Variants in HCRTR1 observed in about 807,000 individuals in gnomAD.
The protein encoded by HCRTR1 is orexin/Hypocretin receptor type 1.
In HCRTR1, 28 loss-of-function variants were observed where a neutral mutation model predicts 40.6. The observed-to-expected ratio is 0.69, with a 90% confidence interval of 0.51 to 0.95. The LOEUF is 0.95. Ranked by LOEUF, HCRTR1 falls within the 40% of genes least tolerant of loss-of-function variation. The pLI is 0.00. For missense variants in HCRTR1, 482 were observed against 564.7 expected, an observed-to-expected ratio of 0.85 and a Z score of 1.48; for synonymous variants, 209 against 230.0, an observed-to-expected ratio of 0.91 and a Z score of 0.83.
At chr1:31,622,754 C>T (rs879675223) in intron 6 of HCRTR1, among the ~76,000 whole-genome samples, 3 of 152,212 alleles carry the variant, frequency 2.0e-5, no homozygotes, top group Non-Finnish European at 4.4e-5. Context: ...GGCTTATGGG[C>T]ACTGGCCCAG....
chr1:31,619,357 T>C lies in HCRTR1; in HGVS notation c.165T>C (p.Ala55=), dbSNP rs781631903. ...GGGTCCTCATCGCAGCCTATGTGGC[T>C]GTGTTCGTCGTGGCCCTGGTGGGCA... ...YEWVLIAAYV[A]VFVVALVGNT... is the part of the protein sequence containing the mutation. Residue 55 remains alanine (A), a synonymous_variant, in exon 3 of 9, where the codon GCT becomes GCC. Coordinates refer to ENST00000403528, the MANE Select transcript of HCRTR1 (RefSeq NM_001525.3). 1.9e-6 allele frequency: 3 copies of C among 1,614,216 alleles called. No homozygotes were observed. The Admixed American group carries it at 5.0e-5, about 27-fold the overall frequency.
intron 5 of HCRTR1, 44 bp from the exon 6 acceptor site, chr1:31,621,433 G>T: frequency 7.0e-7 from 1 of 1,421,328 alleles, no homozygotes; most frequent in Non-Finnish European, 1.0e-6. Context: ...GGCAGGGTGG[G>T]GCTCACGGAT....
chr1:31,626,749 A>T lies in HCRTR1; in HGVS notation c.1088-41A>T, dbSNP rs1248098907. On this transcript the variant is annotated intron_variant, in intron 8 of 8. Coordinates refer to ENST00000403528, the MANE Select transcript of HCRTR1 (RefSeq NM_001525.3). The surrounding 1 kb of genome is among the most constrained non-coding windows in gnomAD (Gnocchi z 4.6). ...TGGGCTCAAGGCCCCTTCCTGCTGC[A>T]TCTGTCTCCTTATGGCTGTGTCTTT... 1 of 1,384,050 alleles carries T rather than the reference A, an allele frequency of 7.2e-7. No homozygotes were observed. Among genetic ancestry groups the T allele is most frequent in the South Asian group, 1.2e-5 (1 of 83,280 alleles). 85.7% of individuals were successfully genotyped at this position (1,384,050 alleles called of 1,614,324 possible).
At chr1:31,623,296 CAAAA>C (rs11286118) in intron 6 of HCRTR1, among the ~76,000 whole-genome samples, 4 of 133,284 alleles carry the variant, frequency 3.0e-5, no homozygotes, top group African/African-American at 2.8e-5. Context: ...AATGCCATCT[CAAAA>C]AAAAAAAAAA....
At position 31,626,754 on chromosome 1, in the gene HCRTR1, T is replaced by C. The variant is rs762148291; in HGVS notation, c.1088-36T>C. The C allele has an allele frequency of 1.9e-6, 3 of 1,555,732 alleles. No homozygotes were observed. The highest frequency in any genetic ancestry group is 2.3e-5 in the South Asian group (2 of 86,310). On this transcript the variant is annotated intron_variant, in intron 8 of 8. Transcript: ENST00000403528. The surrounding 1 kb of genome is among the most constrained non-coding windows in gnomAD (Gnocchi z 4.6). ...TCAAGGCCCCTTCCTGCTGCATCTG[T>C]CTCCTTATGGCTGTGTCTTTTGTCT... is the stretch of plus-strand genomic sequence containing the variant.
chr1:31,624,215 T>C (rs1020904182), intron 7 of HCRTR1, among the ~76,000 whole-genome samples: 3 of 151,860 alleles, frequency 2.0e-5, no homozygotes, highest in African/African-American at 7.3e-5. Flanking sequence ...TCCCAACACG[T>C]TGGGAGGCCA....
downstream of HCRTR1, chr1:31,630,309 T>C (rs1476477803): frequency 2.4e-6 from 1 of 410,120 alleles, no homozygotes; most frequent in African/African-American, 2.0e-5. Flanking sequence ...GACTGGACAC[T>C]AACTCCATTA....
At chr1:31,623,187 G>A (rs772549012) in intron 6 of HCRTR1, among the ~76,000 whole-genome samples, 24 of 151,790 alleles carry the variant, frequency 1.6e-4, no homozygotes, top group Non-Finnish European at 2.8e-4. Context: ...AACTTAGCCC[G>A]GTGTGGTGGC....
chr1:31,622,398 A>C (rs1349952587), intron 6 of HCRTR1, among the ~76,000 whole-genome samples: 8 of 151,798 alleles, frequency 5.3e-5, no homozygotes, highest in African/African-American at 1.5e-4. Context: ...CATGCCGGGC[A>C]GCGGATGGGG....
chr1:31,621,705 C>CTTCCCCTCTCTTTGGT, intron 6 of HCRTR1, 113 bp downstream of exon 6: 1 of 774,944 alleles, frequency 1.3e-6, no homozygotes, highest in Non-Finnish European at 2.2e-6. Flanking sequence ...GCCATCTTGG[C>CTTCCCCTCTCTTTGGT]TGCAACCAAA....
At position 31,626,871 on chromosome 1, in the gene HCRTR1, G is replaced by C. The variant is rs553580629; in HGVS notation, c.1169G>C (p.Ser390Thr). The change falls in exon 9 of 9, where the codon AGT becomes ACT. Residue 390 changes from serine (S) to threonine (T), a missense_variant. By Grantham distance (58) the Ser-to-Thr change is moderately conservative. Coordinates refer to ENST00000403528, the MANE Select transcript of HCRTR1 (RefSeq NM_001525.3). This position sits in a 1 kb window ranked among gnomAD's most constrained non-coding sequence, Gnocchi z 4.6. ...LGPCGSLKAP[S>T]PRSSASHKSL... is the part of the protein sequence containing the mutation. ...CCCTGCGGCTCTCTGAAGGCCCCTA[G>C]TCCCCGCTCCTCTGCCAGCCACAAG... The C allele has an allele frequency of 6.2e-7, 1 of 1,613,982 alleles. No individual in the cohort carries two copies. The highest frequency in any genetic ancestry group is 1.3e-5 in the African/African-American group (1 of 75,042).
At chr1:31,630,803 G>A (rs1488337185), downstream of HCRTR1, 1 of 1,612,782 alleles carries the variant, frequency 6.2e-7, no homozygotes. Context: ...CAGAAGCTGG[G>A]TGAACTGGGG....
chr1:31,621,115 C>A (rs771301832), intron 5 of HCRTR1, 29 bp downstream of exon 5: 1 of 1,586,916 alleles, frequency 6.3e-7, no homozygotes, highest in South Asian at 1.1e-5. Flanking sequence ...AGCAGGCATC[C>A]CCTCAGGTGG....
Position 31,626,692 on chromosome 1 carries a change from A to AAGGCCC in HCRTR1, c.1088-98_1088-97insAGGCCC. 7.0e-7 allele frequency: 1 copy of AAGGCCC among 1,424,946 alleles called. No homozygotes were observed. Among genetic ancestry groups the AAGGCCC allele is most frequent in the Non-Finnish European group, 9.4e-7 (1 of 1,064,906 alleles). The allele number at this position is 1,424,946 out of a possible 1,614,324, so 88.3% of individuals were successfully genotyped here. ...CCTCCCTCCCTCCCCGCCCCCTCAT[A>AAGGCCC]GGCAGCTTGGCTGGAGCTGCGTGGG... On this transcript the variant is annotated intron_variant, in intron 8 of 8. Transcript: ENST00000403528. This position sits in a 1 kb window ranked among gnomAD's most constrained non-coding sequence, Gnocchi z 4.6.
At position 31,619,257 on chromosome 1, in the gene HCRTR1, C is replaced by G. The variant is rs1257155351; in HGVS notation, c.65C>G (p.Pro22Arg). 1.2e-6 allele frequency: 2 copies of G among 1,614,018 alleles called. No homozygotes were observed. The highest frequency in any genetic ancestry group is 3.3e-5 in the Admixed American group (2 of 60,032). ...CCCCCTGGCAGCAGAGAGCCGTCCC[C>G]TGTGCCTCCAGACTATGAAGATGAG... ...GVPPGSREPS[P>R]VPPDYEDEFL... The change falls in exon 3 of 9, where the codon CCT (proline) becomes CGT (arginine). Residue 22 changes from proline (P) to arginine (R), a missense_variant. Transcript: ENST00000403528.
chr1:31,627,008 C>T lies in HCRTR1; in HGVS notation c.*28C>T, dbSNP rs200463682. ...GAGGGCTGCCCTGGAGGCTCCGGCT[C>T]GGGGGATCTGCCCCTACCCCTCATG... On this transcript the variant is annotated 3_prime_UTR_variant, in exon 9 of 9. Transcript: ENST00000403528. 11 of 1,592,958 alleles carry T rather than the reference C, an allele frequency of 6.9e-6. No individual in the cohort carries two copies. Among genetic ancestry groups the T allele is most frequent in the South Asian group, 3.3e-5 (3 of 89,996 alleles).
In HCRTR1 at chr1:31,620,884, C is replaced by T. The variant is rs140406432; in HGVS notation, c.420C>T (p.Ile140=). ...TGGCAGTGCTAACTCTCAGCTTCAT[C>T]GCCCTGGACCGCTGGTATGCCATCT... is the stretch of plus-strand genomic sequence containing the variant. ...VSVAVLTLSF[I]ALDRWYAICH... Residue 140 remains isoleucine, a synonymous_variant, in exon 5 of 9, where the codon ATC becomes ATT. Coordinates refer to ENST00000403528, the MANE Select transcript of HCRTR1 (RefSeq NM_001525.3). 2.4e-5 allele frequency: 39 copies of T among 1,614,150 alleles called. No homozygotes were observed. The highest frequency in any genetic ancestry group is 6.7e-5 in the African/African-American group (5 of 75,066).
chr1:31,623,312 A>G (rs4949451), intron 6 of HCRTR1, among the ~76,000 whole-genome samples: 75,363 of 146,788 alleles, frequency 0.51, 20,814 homozygotes, highest in Non-Finnish European at 0.62. Context: ...AAAAAAAAAA[A>G]GAAAAGAAAA....
At chr1:31,624,325 G>A (rs527981536) in intron 7 of HCRTR1, among the ~76,000 whole-genome samples, 1 of 152,150 alleles carries the variant, frequency 6.6e-6, no homozygotes, top group South Asian at 2.1e-4. Context: ...CAGCCATGGT[G>A]GCATGTGCCT....
Sources: allele counts gnomAD v4.1 joint callset (sites outside exome capture counted in the v4.1 genomes callset), GRCh38; gene constraint gnomAD v4.1.1; non-coding constraint Gnocchi (gnomAD v3.1); transcripts MANE v1.5; gene names NCBI Gene and HGNC (gene_info 2026-07-23, HGNC 2026-07-21).